Variants in ATXN3 observed in about 807,000 individuals in gnomAD.
ATXN3 encodes the protein ataxin-3.
A neutral mutation model predicts 58.2 loss-of-function variants in ATXN3; 28 were observed. The observed-to-expected ratio is 0.48, with a 90% confidence interval of 0.36 to 0.66. ATXN3 has a LOEUF of 0.66. ATXN3 is among the 30% of genes least tolerant of loss of function. The probability of loss-of-function intolerance (pLI) is 0.00; values close to 1 mark genes in which losing one functional copy is unlikely to be tolerated. For missense variants in ATXN3, 321 were observed against 422.1 expected (o/e 0.76, Z 2.10); for synonymous variants, 113 against 138.5 (o/e 0.82, Z 1.29).
At chr14:92,069,394 GAC>G (rs2059051414) in intron 10 of ATXN3, among the ~76,000 whole-genome samples, 1 of 70,360 alleles carries the variant, frequency 1.4e-5, no homozygotes, top group African/African-American at 5.9e-5. Flanking sequence ...TTTTTTTTGA[GAC>G]AGAGTTTTGC....
chr14:92,088,100 GCT>G (rs1566958605), intron 6 of ATXN3, among the ~76,000 whole-genome samples: 1 of 149,746 alleles, frequency 6.7e-6, no homozygotes, highest in African/African-American at 2.5e-5. Context: ...ACGGAGTCTC[GCT>G]CTGTCGCCCA....
intron 9 of ATXN3, chr14:92,071,554 G>A (rs1259326512): frequency 6.3e-6 from 2 of 316,284 alleles, no homozygotes; most frequent in South Asian, 2.7e-5. Flanking sequence ...CCAAGATCGC[G>A]CCACTGCACT....
intron 7 of ATXN3, 31 bp downstream of exon 7, chr14:92,083,095 A>T: frequency 6.3e-7 from 1 of 1,590,354 alleles, no homozygotes; most frequent in Non-Finnish European, 8.5e-7. Flanking sequence ...AAATACTACC[A>T]TATATTCCAT....
chr14:92,105,154 G>A (rs929596286), intron 1 of ATXN3, among the ~76,000 whole-genome samples: 4 of 152,104 alleles, frequency 2.6e-5, no homozygotes, highest in Admixed American at 1.3e-4. Context: ...AGGCACAGTG[G>A]CTCACGCCTG....
chr14:92,097,195 C>T (rs2065590430), intron 1 of ATXN3, among the ~76,000 whole-genome samples: 1 of 151,870 alleles, frequency 6.6e-6, no homozygotes, highest in East Asian at 1.9e-4. Context: ...AGGCGTGAGC[C>T]ACTGCGCCCG....
In ATXN3 at chr14:92,059,771, T is replaced by C. The variant is rs550405473; in HGVS notation, c.*4549A>G. The stretch of plus-strand genomic sequence containing the variant: ...AGGTGGAGGTTGCAGTGAGCCAACA[T>C]CGTGTCATTGTACTCCAGCCTGGGC... On this transcript the variant is annotated 3_prime_UTR_variant, in exon 11 of 11. Transcript: ENST00000644486. The C allele has an allele frequency of 7.1e-6, 1 of 140,648 alleles. No homozygotes were observed. The highest frequency in any genetic ancestry group is 7.3e-5 in the Admixed American group (1 of 13,678). 8.7% of individuals were successfully genotyped at this position (140,648 alleles called of 1,614,324 possible). A position where few individuals can be genotyped will look rare whatever the true frequency, so the allele number is the denominator to read the frequency against.
chr14:92,076,939 CAA>C (rs1157708694), intron 9 of ATXN3, among the ~76,000 whole-genome samples: 30 of 59,810 alleles, frequency 5.0e-4, no homozygotes, highest in African/African-American at 1.3e-3. Flanking sequence ...GATTTCGTCT[CAA>C]AAAAAAAAAA....
intron 6 of ATXN3, among the ~76,000 whole-genome samples, chr14:92,087,793 T>C (rs2062918226): frequency 6.6e-6 from 1 of 152,152 alleles, no homozygotes; most frequent in Non-Finnish European, 1.5e-5. Context: ...GGTTTAAAGA[T>C]AGGAGGTGGT....
At chr14:92,079,857 C>G (rs1009829310) in intron 9 of ATXN3, among the ~76,000 whole-genome samples, 1 of 152,164 alleles carries the variant, frequency 6.6e-6, no homozygotes, top group Non-Finnish European at 1.5e-5. Flanking sequence ...CCTGTCTGAG[C>G]CTCCCAAGTA....
At chr14:92,083,324 C>G (rs1316204276) in intron 6 of ATXN3, 66 bp from the exon 7 acceptor site, 2 of 1,458,802 alleles carry the variant, frequency 1.4e-6, no homozygotes, top group Non-Finnish European at 1.9e-6. Context: ...ATGTAAAACA[C>G]TAGTAGATAA....
rs555598326 is a variant in ATXN3, at chr14:92,065,619, C to T, written c.992-1205G>A. Among the ~76,000 whole-genome samples, 28 of 152,174 alleles carry T rather than the reference C, an allele frequency of 1.8e-4. 1 individual carries two copies. The highest frequency in any genetic ancestry group is 6.3e-4 in the African/African-American group (26 of 41,546). On this transcript the variant is annotated intron_variant, in intron 10 of 10. Transcript: ENST00000644486. Reference sequence around the variant, plus strand: ...CTTCCAGGCTGGGCACAGTGGCTCACGCCTGTAATCCCAGCATTTTGGGAA... The same window carrying T: ...CTTCCAGGCTGGGCACAGTGGCTCATGCCTGTAATCCCAGCATTTTGGGAA...
At chr14:92,048,866 G>A (rs2057438361) in intron 1 of ATXN3, among the ~76,000 whole-genome samples, 1 of 152,158 alleles carries the variant, frequency 6.6e-6, no homozygotes, top group Non-Finnish European at 1.5e-5. Flanking sequence ...TCGGAGCTTG[G>A]GGTGGAGACT....
chr14:92,079,541 T>G, intron 9 of ATXN3: 2 of 541,108 alleles, frequency 3.7e-6, no homozygotes, highest in Non-Finnish European at 4.7e-6. Context: ...AGCCAATATT[T>G]ATAGGTGCTG....
chr14:92,102,013 C>A (rs2066920521), intron 1 of ATXN3, among the ~76,000 whole-genome samples: 1 of 151,634 alleles, frequency 6.6e-6, no homozygotes, highest in Non-Finnish European at 1.5e-5. Context: ...ATTAGCTGGG[C>A]ATGGTGGCAC....
At chr14:92,069,095 T>TTTTTTTTTTTGTG (rs2058961852) in intron 10 of ATXN3, among the ~76,000 whole-genome samples, 1 of 151,672 alleles carries the variant, frequency 6.6e-6, no homozygotes. Context: ...TTTTTTTTTT[T>TTTTTTTTTTTGTG]GAGAAGGAGT....
At chr14:92,098,814 G>A (rs1241570425) in intron 1 of ATXN3, among the ~76,000 whole-genome samples, 5 of 152,182 alleles carry the variant, frequency 3.3e-5, no homozygotes, top group Non-Finnish European at 5.9e-5. Flanking sequence ...AAGCCAGCAA[G>A]AGGGACTGCA....
At chr14:92,093,633 C>A in intron 4 of ATXN3, 113 bp downstream of exon 4, 1 of 844,328 alleles carries the variant, frequency 1.2e-6, no homozygotes, top group Non-Finnish European at 1.9e-6. Flanking sequence ...GTGAATGAAA[C>A]AGGGAACATC....
At chr14:92,067,681 G>A (rs1228617805) in intron 10 of ATXN3, among the ~76,000 whole-genome samples, 2 of 152,234 alleles carry the variant, frequency 1.3e-5, no homozygotes, top group Admixed American at 1.3e-4. Context: ...ACAGGTGTGA[G>A]CCACCATGCC....
chr14:92,106,141 G>A (rs1394556486), intron 1 of ATXN3, among the ~76,000 whole-genome samples: 1 of 152,148 alleles, frequency 6.6e-6, no homozygotes, highest in Non-Finnish European at 1.5e-5. Flanking sequence ...GGTTGAGGGA[G>A]GTGTCCCAGA....
Sources: gnomAD v4.1 joint callset for allele counts (sites outside exome capture counted in the v4.1 genomes callset) on GRCh38, gnomAD v4.1.1 for gene constraint, MANE v1.5 for transcripts, NCBI Gene and HGNC (gene_info 2026-07-23, HGNC 2026-07-21) for gene names.